The following GABRA5 variants were observed in gnomAD, a reference collection of about 807,000 sequenced individuals.
GABRA5 encodes the protein gamma-aminobutyric acid receptor subunit alpha-5.
Under a neutral mutation model 47.3 loss-of-function variants are expected in GABRA5, and 18 were observed. The observed-to-expected ratio is 0.38, with a 90% confidence interval of 0.26 to 0.56. The LOEUF (loss-of-function observed/expected upper bound fraction) is 0.56. GABRA5 is among the 20% of genes least tolerant of loss of function. The probability of loss-of-function intolerance (pLI) is 0.71; values close to 1 mark genes in which losing one functional copy is unlikely to be tolerated. For synonymous variants in GABRA5, 237 were observed against 229.3 expected, an observed-to-expected ratio of 1.03 and a Z score of -0.30; for missense variants, 365 against 599.3, an observed-to-expected ratio of 0.61 and a Z score of 4.08.
In GABRA5 at chr15:26,948,180, G is replaced by A; in HGVS notation, c.1336G>A (p.Ala446Thr). ...LFGTFNLVYW[A>T]TYLNREPVIK... ...CGGCACTTTCAACTTAGTTTACTGGGCAACGTATTTGAATAGGGAGCCGGT... is the reference window on the plus strand; with the variant it reads ...CGGCACTTTCAACTTAGTTTACTGGACAACGTATTTGAATAGGGAGCCGGT... The change falls in exon 11 of 11, where the codon GCA becomes ACA. Residue 446 changes from alanine to threonine, a missense_variant. This residue lies in a region of GABRA5 where 106 missense variants were observed against 130.3 expected (regional missense o/e 0.81). Transcript: ENST00000335625. 6.2e-7 allele frequency: 1 copy of A among 1,613,788 alleles called. No homozygotes were observed. The highest frequency in any genetic ancestry group is 8.5e-7 in the Non-Finnish European group (1 of 1,179,858).
chr15:26,928,615 C>T (rs376104900), intron 7 of GABRA5, among the ~76,000 whole-genome samples: 20 of 152,238 alleles, frequency 1.3e-4, no homozygotes, highest in African/African-American at 4.8e-4. Flanking sequence ...AGAGAGCTCT[C>T]CCGTCCCTTC....
At chr15:26,921,566 C>T (rs891868222) in intron 7 of GABRA5, among the ~76,000 whole-genome samples, 1 of 151,950 alleles carries the variant, frequency 6.6e-6, no homozygotes, top group African/African-American at 2.4e-5. Context: ...ATTGATTTCT[C>T]TATTGCTTTT....
chr15:26,912,331 C>T (rs1049235642), intron 6 of GABRA5, among the ~76,000 whole-genome samples: 2 of 152,204 alleles, frequency 1.3e-5, no homozygotes, highest in African/African-American at 2.4e-5. Flanking sequence ...ACATCTGACC[C>T]GTTGAGATTC....
intron 3 of GABRA5, among the ~76,000 whole-genome samples, chr15:26,876,911 G>A (rs1454393683): frequency 6.6e-6 from 1 of 152,200 alleles, no homozygotes; most frequent in Non-Finnish European, 1.5e-5. Flanking sequence ...GAGGAACAGG[G>A]CTGAGTCTAG....
intron 6 of GABRA5, among the ~76,000 whole-genome samples, chr15:26,892,651 T>A (rs1893036285): frequency 6.6e-6 from 1 of 152,234 alleles, no homozygotes; most frequent in African/African-American, 2.4e-5. Context: ...ATTATTGAAA[T>A]TAGCTTTCTT....
rs1894554208 is a variant in GABRA5, at chr15:26,947,997, C to A, written c.1153C>A (p.Pro385Thr). 6.3e-7 allele frequency: 1 copy of A among 1,598,938 alleles called. No individual in the cohort carries two copies. Among genetic ancestry groups the A allele is most frequent in the South Asian group, 1.1e-5 (1 of 88,374 alleles). ...TTTTACAACTGGGAAGATGTCTCAC[C>A]CCCCAAACATTCCGAAGGAACAGAC... The part of the protein sequence containing the change: ...NAFTTGKMSH[P>T]PNIPKEQTPA... Residue 385 changes from proline to threonine, a missense_variant, in exon 11 of 11, where the codon CCC becomes ACC. Transcript: ENST00000335625.
intron 6 of GABRA5, among the ~76,000 whole-genome samples, chr15:26,913,870 C>T (rs2140293832): frequency 6.6e-6 from 1 of 152,244 alleles, no homozygotes. Context: ...ACCTCTGCAG[C>T]CAGGGCCAGG....
At chr15:26,937,707 G>A (rs1894281093) in intron 8 of GABRA5, among the ~76,000 whole-genome samples, 2 of 152,224 alleles carry the variant, frequency 1.3e-5, no homozygotes, top group South Asian at 4.1e-4. Context: ...AATTGGGAAA[G>A]CACAACCAGG....
intron 6 of GABRA5, among the ~76,000 whole-genome samples, chr15:26,906,257 A>G (rs1283970898): frequency 6.6e-6 from 1 of 152,150 alleles, no homozygotes; most frequent in Non-Finnish European, 1.5e-5. Context: ...TGGTCAACTA[A>G]TGATTTGACA....
intron 6 of GABRA5, among the ~76,000 whole-genome samples, chr15:26,910,905 A>C (rs556161949): frequency 1.3e-5 from 2 of 152,240 alleles, no homozygotes; most frequent in East Asian, 3.9e-4. Flanking sequence ...CCTTGATCTC[A>C]GCTCTGTGTG....
intron 4 of GABRA5, 141 bp downstream of exon 4, chr15:26,881,108 T>C (rs1469063928): frequency 1.2e-6 from 1 of 835,730 alleles, no homozygotes; most frequent in Non-Finnish European, 1.8e-6. Flanking sequence ...TGTTCCACTC[T>C]TGCCAAGAAT....
At chr15:26,882,619 T>C (rs1892760183) in intron 4 of GABRA5, among the ~76,000 whole-genome samples, 1 of 152,206 alleles carries the variant, frequency 6.6e-6, no homozygotes, top group African/African-American at 2.4e-5. Flanking sequence ...CTTTCTATAA[T>C]AACAGTTCGA....
chr15:26,912,722 C>T (rs1296156226), intron 6 of GABRA5, among the ~76,000 whole-genome samples: 1 of 152,022 alleles, frequency 6.6e-6, no homozygotes, highest in Non-Finnish European at 1.5e-5. Context: ...TACTTCTGTT[C>T]TAGTGTTAGG....
At chr15:26,890,838 A>G (rs943120579) in intron 6 of GABRA5, among the ~76,000 whole-genome samples, 1 of 152,228 alleles carries the variant, frequency 6.6e-6, no homozygotes, top group Non-Finnish European at 1.5e-5. Context: ...TGAATGAACC[A>G]TAATGGAATG....
chr15:26,912,521 C>A (rs149039430), intron 6 of GABRA5, among the ~76,000 whole-genome samples: 3,255 of 152,156 alleles, frequency 0.021, 93 homozygotes, highest in African/African-American at 0.065. Context: ...TAATAACAGC[C>A]CTTTTTCATA....
intron 3 of GABRA5, among the ~76,000 whole-genome samples, chr15:26,872,313 C>T (rs1036907263): frequency 3.3e-5 from 5 of 152,144 alleles, no homozygotes; most frequent in African/African-American, 9.7e-5. Flanking sequence ...AGCTGAGCAC[C>T]GTTAGCCCAT....
At chr15:26,904,663 T>TA (rs1423473121) in intron 6 of GABRA5, among the ~76,000 whole-genome samples, 1 of 152,110 alleles carries the variant, frequency 6.6e-6, no homozygotes, top group Non-Finnish European at 1.5e-5. Flanking sequence ...ATAGTTCTCA[T>TA]TGTAGAGCTC....
chr15:26,925,163 T>G (rs1320907505), intron 7 of GABRA5, among the ~76,000 whole-genome samples: 1 of 152,116 alleles, frequency 6.6e-6, no homozygotes, highest in Non-Finnish European at 1.5e-5. Flanking sequence ...TCTAAATTTG[T>G]CTTTCACCAA....
At chr15:26,930,009 T>G (rs1420503138) in intron 7 of GABRA5, among the ~76,000 whole-genome samples, 21 of 76,180 alleles carry the variant, frequency 2.8e-4, no homozygotes, top group East Asian at 6.4e-4. Flanking sequence ...TCTTCTTCTT[T>G]TTTTTTTTTT....
Sources: gnomAD v4.1 joint callset for allele counts (sites outside exome capture counted in the v4.1 genomes callset) on GRCh38, gnomAD v4.1.1 for gene constraint, gnomAD v4.1.1 regional missense constraint, MANE v1.5 for transcripts, NCBI Gene and HGNC (gene_info 2026-07-23, HGNC 2026-07-21) for gene names.